The following ZNF212 variants were observed in gnomAD, a reference collection of about 807,000 sequenced individuals.
ZNF212 encodes zinc finger protein 212, also known as Zinc finger protein C2H2-150.
A neutral mutation model predicts 47.3 loss-of-function variants in ZNF212; 32 were observed. The observed-to-expected ratio is 0.68, with a 90% confidence interval of 0.51 to 0.91. ZNF212 has a LOEUF of 0.91. Ranked by LOEUF, ZNF212 falls within the 40% of genes least tolerant of loss-of-function variation. The pLI is 0.00. For synonymous variants in ZNF212, 242 were observed against 253.8 expected (o/e 0.95, Z 0.44); for missense variants, 555 against 622.8 (o/e 0.89, Z 1.16).
In ZNF212 at chr7:149,239,695, A is replaced by G. The variant is rs1796557116; in HGVS notation, c.-84A>G. 2.4e-5 allele frequency: 24 copies of G among 989,940 alleles called. No homozygotes were observed. The South Asian group carries it at 8.5e-4, about 35-fold the overall frequency. The allele number at this position is 989,940 out of a possible 1,614,324, so 61.3% of individuals were successfully genotyped here. Reference sequence around the variant, plus strand: ...CACGGCGGCGGCGGCGGCGGCTTCCAACAGGCTCTGGGGCGCCGAGCGGAC... The same window carrying G: ...CACGGCGGCGGCGGCGGCGGCTTCCGACAGGCTCTGGGGCGCCGAGCGGAC... On this transcript the variant is annotated 5_prime_UTR_variant, in exon 1 of 5. Transcript: ENST00000335870.
intron 1 of ZNF212, among the ~76,000 whole-genome samples, chr7:149,246,453 G>T (rs1212513723): frequency 6.6e-6 from 1 of 151,372 alleles, no homozygotes; most frequent in Non-Finnish European, 1.5e-5. Context: ...CGTGATCTCA[G>T]CTCACTGCAG....
At chr7:149,252,598 A>C in intron 3 of ZNF212, 108 bp from the exon 4 acceptor site, 2 of 957,196 alleles carry the variant, frequency 2.1e-6, no homozygotes, top group South Asian at 2.9e-5. Flanking sequence ...GTAGCCTTTG[A>C]ATCTATATTT....
chr7:149,240,382 A>ACCCCCCCCCCCACCCCCCCCCC (rs71194632), intron 1 of ZNF212, among the ~76,000 whole-genome samples: 3 of 109,356 alleles, frequency 2.7e-5, no homozygotes, highest in Admixed American at 9.3e-5. Flanking sequence ...TCTCTCCTTC[A>ACCCCCCCCCCCACCCCCCCCCC]CCCCCCCCCC....
intron 1 of ZNF212, among the ~76,000 whole-genome samples, chr7:149,243,083 C>G (rs977438128): frequency 1.3e-5 from 2 of 151,954 alleles, no homozygotes; most frequent in African/African-American, 2.4e-5. Flanking sequence ...GGGAAAAATC[C>G]AACTAGATGG....
chr7:149,243,979 G>A (rs1796638584), intron 1 of ZNF212, among the ~76,000 whole-genome samples: 1 of 152,210 alleles, frequency 6.6e-6, no homozygotes, highest in Admixed American at 6.5e-5. Flanking sequence ...CCAGGCTGGA[G>A]TAGAGTGGTG....
At chr7:149,246,609 A>G (rs1228659047) in intron 1 of ZNF212, among the ~76,000 whole-genome samples, 1 of 152,002 alleles carries the variant, frequency 6.6e-6, no homozygotes, top group Non-Finnish European at 1.5e-5. Context: ...GATGGTCTTG[A>G]TCTCCTGACC....
At chr7:149,251,175 T>C in intron 3 of ZNF212, 2 of 263,940 alleles carry the variant, frequency 7.6e-6, no homozygotes, top group Admixed American at 5.2e-5. Context: ...TTTAATTTAT[T>C]TTATCTTTTT....
At chr7:149,240,223 G>C (rs886958510) in intron 1 of ZNF212, among the ~76,000 whole-genome samples, 2 of 152,216 alleles carry the variant, frequency 1.3e-5, no homozygotes, top group Admixed American at 6.5e-5. Context: ...CCTCCTCTTC[G>C]GTCCGATGTG....
In ZNF212 at chr7:149,254,212, TGTG is replaced by T; in HGVS notation, c.1288_1290del (p.Gly430del). ...GAGGAAAAGCCGGAGTTCCCTCATC[TGTG>T]GTTACTGTGGCAAGAGCTTCAGTCA... is the stretch of plus-strand genomic sequence containing the variant. On this transcript the variant is annotated inframe_deletion, in exon 5 of 5. Coordinates refer to ENST00000335870, the MANE Select transcript of ZNF212 (RefSeq NM_012256.4). The surrounding 1 kb of genome is among the most constrained non-coding windows in gnomAD (Gnocchi z 4.5). The T allele has an allele frequency of 6.2e-7, 1 of 1,614,268 alleles. No homozygotes were observed. The highest frequency in any genetic ancestry group is 1.1e-5 in the South Asian group (1 of 91,092).
intron 1 of ZNF212, among the ~76,000 whole-genome samples, chr7:149,246,436 G>T (rs992476296): frequency 5.3e-5 from 8 of 149,998 alleles, no homozygotes; most frequent in Middle Eastern, 3.4e-3. Flanking sequence ...AGGCTGGAGT[G>T]CAGTGACGTG....
At chr7:149,244,796 C>T (rs1351963061) in intron 1 of ZNF212, among the ~76,000 whole-genome samples, 2 of 152,170 alleles carry the variant, frequency 1.3e-5, no homozygotes, top group African/African-American at 4.8e-5. Context: ...TTGAACAGAA[C>T]ACTTCATGCA....
chr7:149,252,862 C>T (rs1191575156), intron 4 of ZNF212, 67 bp downstream of exon 4: 68 of 1,512,462 alleles, frequency 4.5e-5, no homozygotes, highest in Middle Eastern at 3.6e-4. Context: ...AGCTTTCCCA[C>T]GGCTGAAGTG....
intron 1 of ZNF212, among the ~76,000 whole-genome samples, chr7:149,245,091 A>G (rs145569188): frequency 0.037 from 5,581 of 152,212 alleles, 283 homozygotes; most frequent in East Asian, 0.22. Flanking sequence ...GCTCATGCCT[A>G]TAATCCTAGC....
chr7:149,247,920 G>C (rs1796700263), intron 1 of ZNF212, among the ~76,000 whole-genome samples: 1 of 152,210 alleles, frequency 6.6e-6, no homozygotes, highest in Non-Finnish European at 1.5e-5. Context: ...TTGGGCAGCT[G>C]TGTCTAGTGA....
chr7:149,244,389 T>A (rs544735623), intron 1 of ZNF212, among the ~76,000 whole-genome samples: 219 of 152,252 alleles, frequency 1.4e-3, no homozygotes, highest in African/African-American at 5.0e-3. Context: ...CTCGGCTCAC[T>A]GCAAGCTCCG....
At chr7:149,241,188 C>G (rs1259983951) in intron 1 of ZNF212, among the ~76,000 whole-genome samples, 1 of 152,164 alleles carries the variant, frequency 6.6e-6, no homozygotes, top group East Asian at 1.9e-4. Flanking sequence ...AATCCCAGCA[C>G]TTTAGGAGGC....
In ZNF212 at chr7:149,253,538, TG is replaced by T. The variant is rs776362989; in HGVS notation, c.632-19del. 6.3e-7 allele frequency: 1 copy of T among 1,580,120 alleles called. No homozygotes were observed. Among genetic ancestry groups the T allele is most frequent in the Non-Finnish European group, 8.6e-7 (1 of 1,159,692 alleles). ...GGTACTAGAATGTGATCTTTTTTGT[TG>T]GTCTTCTTCCACTTTGCAGCAGGTG... On this transcript the variant is annotated intron_variant, in intron 4 of 4. Coordinates refer to ENST00000335870, the MANE Select transcript of ZNF212 (RefSeq NM_012256.4).
intron 1 of ZNF212, among the ~76,000 whole-genome samples, chr7:149,249,163 A>C (rs1309105560): frequency 6.6e-6 from 1 of 152,180 alleles, no homozygotes; most frequent in East Asian, 1.9e-4. Context: ...TATGACAGTG[A>C]TTTTCCTACT....
At chr7:149,248,242 C>CTG (rs142998456) in intron 1 of ZNF212, among the ~76,000 whole-genome samples, 7 of 151,768 alleles carry the variant, frequency 4.6e-5, no homozygotes, top group African/African-American at 9.7e-5. Context: ...CATCTTCTCC[C>CTG]TGTGTGTGTG....
Sources: allele counts gnomAD v4.1 joint callset (sites outside exome capture counted in the v4.1 genomes callset), GRCh38; gene constraint gnomAD v4.1.1; non-coding constraint Gnocchi (gnomAD v3.1); transcripts MANE v1.5; gene names NCBI Gene and HGNC (gene_info 2026-07-23, HGNC 2026-07-21).